PKIB: variants seen among roughly 807,000 people sequenced by gnomAD.
PKIB encodes cAMP-dependent protein kinase inhibitor beta.
A neutral mutation model predicts 4.5 loss-of-function variants in PKIB; 2 were observed. The observed-to-expected ratio is 0.44, with a 90% CI of 0.18 to 1.39. The LOEUF is 1.39. PKIB is among the 40% of genes most tolerant of loss of function. PKIB has a pLI of 0.27. For synonymous variants in PKIB, 38 were observed against 36.0 expected (o/e 1.06, Z -0.20); for missense variants, 94 against 92.6 (o/e 1.02, Z -0.06).
At chr6:122,520,661 T>TTCTCC (rs1562237597) in intron 2 of PKIB, among the ~76,000 whole-genome samples, 1 of 55,528 alleles carries the variant, frequency 1.8e-5, no homozygotes, top group Non-Finnish European at 3.8e-5. Flanking sequence ...AAGTTTATGT[T>TTCTCC]CCCACCCCCC....
chr6:122,706,150 T>C (rs906403228), intron 3 of PKIB, among the ~76,000 whole-genome samples: 2 of 152,180 alleles, frequency 1.3e-5, no homozygotes, highest in African/African-American at 4.8e-5. Flanking sequence ...CCTGTGTGGA[T>C]TCCTCCCAAA....
intron 2 of PKIB, among the ~76,000 whole-genome samples, chr6:122,581,156 G>A (rs112919085): frequency 2.4e-3 from 367 of 152,214 alleles, no homozygotes; most frequent in Non-Finnish European, 4.3e-3. Context: ...TAACTACTGC[G>A]TCACACTGTG....
At chr6:122,693,635 C>T (rs1462134306) in intron 3 of PKIB, among the ~76,000 whole-genome samples, 1 of 152,162 alleles carries the variant, frequency 6.6e-6, no homozygotes, top group Non-Finnish European at 1.5e-5. Context: ...ACTTTCTCTC[C>T]CCATAGACAG....
chr6:122,674,414 T>C (rs1777590016), intron 2 of PKIB, among the ~76,000 whole-genome samples: 2 of 152,182 alleles, frequency 1.3e-5, no homozygotes, highest in African/African-American at 4.8e-5. Flanking sequence ...AGTGCCTTAT[T>C]GCTATGAGTG....
intron 2 of PKIB, among the ~76,000 whole-genome samples, chr6:122,544,420 C>G (rs1419439363): frequency 6.6e-6 from 1 of 151,682 alleles, no homozygotes; most frequent in Non-Finnish European, 1.5e-5. Context: ...TGAGCATAAC[C>G]TGTAAAATAA....
intron 2 of PKIB, among the ~76,000 whole-genome samples, chr6:122,495,209 T>A (rs549537735): frequency 6.6e-6 from 1 of 152,316 alleles, no homozygotes; most frequent in Admixed American, 6.5e-5. Context: ...CACCTCTGCA[T>A]GCCACCAATA....
intron 2 of PKIB, among the ~76,000 whole-genome samples, chr6:122,526,500 A>T (rs1777095653): frequency 6.6e-6 from 1 of 152,152 alleles, no homozygotes; most frequent in South Asian, 2.1e-4. Flanking sequence ...TAGTAGGCAC[A>T]AAAACAACAT....
intron 3 of PKIB, among the ~76,000 whole-genome samples, chr6:122,696,678 C>T (rs9320888): frequency 0.99 from 150,580 of 152,308 alleles, 74,456 homozygotes; most frequent in East Asian, 1. Context: ...TTAAATAGAC[C>T]GTCAACCTTA....
chr6:122,670,924 C>A (rs969684898), intron 2 of PKIB, among the ~76,000 whole-genome samples: 4 of 152,202 alleles, frequency 2.6e-5, no homozygotes, highest in Admixed American at 2.6e-4. Context: ...TCAGTGGATA[C>A]ATTTTAACTT....
At position 122,507,741 on chromosome 6, in the gene PKIB, G is replaced by GT. The variant is rs147605922; in HGVS notation, c.-248+29810dup. ...TTTGTAGGTACCCAAACTGGAAGTT[G>GT]TTTTTTTTCTGGGGAAATACAAACA... On this transcript the variant is annotated intron_variant, in intron 2 of 6. Transcript: ENST00000392491. Among the ~76,000 whole-genome samples the GT allele has an allele frequency of 2.3e-3, 342 of 149,878 alleles. 8 individuals carry two copies. The East Asian group carries it at 0.044, about 19-fold the overall frequency.
chr6:122,723,414 A>G (rs1779818059), intron 4 of PKIB, among the ~76,000 whole-genome samples: 1 of 152,200 alleles, frequency 6.6e-6, no homozygotes, highest in African/African-American at 2.4e-5. Flanking sequence ...GTGGCAATTC[A>G]TACTTCCAGT....
intron 2 of PKIB, chr6:122,482,544 ATT>A (rs571676167): frequency 0.13 from 13,034 of 103,026 alleles, 407 homozygotes; most frequent in East Asian, 0.19. Context: ...TTTAGGTTGG[ATT>A]TTTTTTTTTT....
intron 2 of PKIB, among the ~76,000 whole-genome samples, chr6:122,487,208 A>T (rs1775791991): frequency 6.6e-6 from 1 of 152,204 alleles, no homozygotes; most frequent in South Asian, 2.1e-4. Flanking sequence ...ATAGAGGATT[A>T]TGTGTTGCAT....
chr6:122,585,909 T>C (rs1377894953), intron 2 of PKIB: 1 of 152,144 alleles, frequency 6.6e-6, no homozygotes, highest in African/African-American at 2.4e-5. Context: ...TTTTTCTCTT[T>C]CTCTCTCTTA....
At chr6:122,643,770 A>G (rs960791597) in intron 2 of PKIB, 1 of 152,210 alleles carries the variant, frequency 6.6e-6, no homozygotes. Context: ...TTTAAAACAC[A>G]ACATTAAAAG....
At chr6:122,591,925 A>G (rs1248552664) in intron 3 of PKIB, among the ~76,000 whole-genome samples, 1 of 151,250 alleles carries the variant, frequency 6.6e-6, no homozygotes, top group East Asian at 1.9e-4. Context: ...ATAAGGTTTT[A>G]AAAAACAAAG....
intron 2 of PKIB, among the ~76,000 whole-genome samples, chr6:122,568,144 T>TA (rs77872307): frequency 1.6e-3 from 244 of 147,880 alleles, no homozygotes; most frequent in Non-Finnish European, 2.7e-3. Context: ...GCATTTATAA[T>TA]AAAAAAAAAA....
intron 3 of PKIB, among the ~76,000 whole-genome samples, chr6:122,703,700 C>T (rs949728809): frequency 6.6e-6 from 1 of 151,536 alleles, no homozygotes; most frequent in Non-Finnish European, 1.5e-5. Flanking sequence ...GAATCTAATA[C>T]ACTTATGATG....
intron 4 of PKIB, among the ~76,000 whole-genome samples, chr6:122,721,244 A>G (rs1779729114): frequency 6.6e-6 from 1 of 152,190 alleles, no homozygotes; most frequent in Non-Finnish European, 1.5e-5. Flanking sequence ...AAGTGATAAT[A>G]GAATGTCTGG....
Sources: allele counts gnomAD v4.1 joint callset (sites outside exome capture counted in the v4.1 genomes callset), GRCh38; gene constraint gnomAD v4.1.1; transcripts MANE v1.5; gene names NCBI Gene and HGNC (gene_info 2026-07-23, HGNC 2026-07-21).